The following PCDHGB3 variants were observed in gnomAD, a reference collection of about 807,000 sequenced individuals.
PCDHGB3 encodes the protein protocadherin gamma subfamily B, 3.
PCDHGB3 carries 40 observed loss-of-function variants against 59.2 expected under a neutral mutation model. That is an observed-to-expected ratio of 0.68 (90% CI 0.52 to 0.88). PCDHGB3 has a LOEUF of 0.88. Among genes scored for constraint, PCDHGB3 ranks in the 40% least tolerant of loss-of-function variants. PCDHGB3 has a pLI of 0.00. For missense variants in PCDHGB3, 1,309 were observed against 1,187.9 expected (o/e 1.10, Z -1.50); for synonymous variants, 581 against 503.6 (o/e 1.15, Z -2.06).
chr5:141,384,897 C>A, intron 1 of PCDHGB3: 1 of 1,613,922 alleles, frequency 6.2e-7, no homozygotes, highest in Non-Finnish European at 8.5e-7. Flanking sequence ...CTGTGGCTGA[C>A]AGCATCCCCG....
Position 141,491,075 on chromosome 5 carries a change from A to G in PCDHGB3, c.2416-3732A>G, listed in dbSNP as rs147291399. ...TGGCTCTCCTACTCACTGTTGCCAC[A>G]GTCCACAGCCCCAGGACTGTTCCTC... is the stretch of plus-strand genomic sequence containing the variant. On this transcript the variant is annotated intron_variant, in intron 1 of 3. Coordinates refer to ENST00000576222, the MANE Select transcript of PCDHGB3 (RefSeq NM_018924.5). This position sits in a 1 kb window ranked among gnomAD's most constrained non-coding sequence, Gnocchi z 6.9. 1.2e-6 allele frequency: 2 copies of G among 1,614,080 alleles called. No individual in the cohort carries two copies. Among genetic ancestry groups the G allele is most frequent in the Non-Finnish European group, 8.5e-7 (1 of 1,180,042 alleles).
intron 1 of PCDHGB3, chr5:141,392,918 G>T (rs1177755274): frequency 1.2e-6 from 2 of 1,613,794 alleles, no homozygotes; most frequent in African/African-American, 2.7e-5. Flanking sequence ...GCTACTCTGT[G>T]CCAGAAGAGA....
Position 141,389,969 on chromosome 5 carries a change from C to T in PCDHGB3, c.2415+17160C>T, listed in dbSNP as rs762168749. 10 of 1,614,042 alleles carry T rather than the reference C, an allele frequency of 6.2e-6. No individual in the cohort carries two copies. In the South Asian group the frequency reaches 1.1e-4, roughly 18 times the overall value. On this transcript the variant is annotated intron_variant, in intron 1 of 3. Coordinates refer to ENST00000576222, the MANE Select transcript of PCDHGB3 (RefSeq NM_018924.5). ...AGTTTTACCTAGTGGTGGCCTTGGC[C>T]TTGATCTCAGTGCTCTTCCTCGTGG...
chr5:141,511,084 C>G lies in PCDHGB3; in HGVS notation c.2701C>G (p.Leu901Val). 1 of 1,614,236 alleles carries G rather than the reference C, an allele frequency of 6.2e-7. No homozygotes were observed. Among genetic ancestry groups the G allele is most frequent in the Non-Finnish European group, 8.5e-7 (1 of 1,180,030 alleles). The change falls in exon 4 of 4, where the codon CTG becomes GTG. Residue 901 changes from leucine (L) to valine (V), a missense_variant. Leu to Val is a conservative substitution (Grantham distance 32). Coordinates refer to ENST00000576222, the MANE Select transcript of PCDHGB3 (RefSeq NM_018924.5). Reference sequence around the variant, plus strand: ...CTACATCCCAGGCAGCAATGCCACACTGACCAACGCAGCTGGCAAGCGGGA... The same window carrying G: ...CTACATCCCAGGCAGCAATGCCACAGTGACCAACGCAGCTGGCAAGCGGGA... ...NVYIPGSNAT[L>V]TNAAGKRDGK...
At chr5:141,413,873 G>A (rs544856148) in intron 1 of PCDHGB3, 4 of 1,613,372 alleles carry the variant, frequency 2.5e-6, no homozygotes, top group Admixed American at 1.7e-5. Context: ...GTCCTTGTCA[G>A]TGTGACTGTC....
chr5:141,434,920 A>C (rs927245955), intron 1 of PCDHGB3, among the ~76,000 whole-genome samples: 1 of 151,796 alleles, frequency 6.6e-6, no homozygotes. Flanking sequence ...ATTTATGTAC[A>C]TATATTTTAT....
In PCDHGB3 at chr5:141,414,479, C is replaced by G. The variant is rs752879517; in HGVS notation, c.2415+41670C>G. The G allele has an allele frequency of 3.1e-6, 5 of 1,613,906 alleles. No homozygotes were observed. The highest frequency in any genetic ancestry group is 1.3e-5 in the African/African-American group (1 of 75,040). Reference sequence around the variant, plus strand: ...ACAGCCACAGATGGGGGAAGTCCTCCTCTATCAACGGAAGCTCACTTTATG... The same window carrying G: ...ACAGCCACAGATGGGGGAAGTCCTCGTCTATCAACGGAAGCTCACTTTATG... On this transcript the variant is annotated intron_variant, in intron 1 of 3. Coordinates refer to ENST00000576222, the MANE Select transcript of PCDHGB3 (RefSeq NM_018924.5).
rs374832321 is a variant in PCDHGB3, at chr5:141,371,831, C to T, written c.1437C>T (p.Pro479=). ...ASIAHVRASD[P]DLGPNGLVSY... is the part of the protein sequence containing the mutation. ...TTGCGCATGTCAGAGCCTCGGATCC[C>T]GACTTGGGACCTAATGGCCTTGTCT... Residue 479 remains proline, a synonymous_variant, in exon 1 of 4, where the codon CCC becomes CCT. Coordinates refer to ENST00000576222, the MANE Select transcript of PCDHGB3 (RefSeq NM_018924.5). 1 of 1,613,770 alleles carries T rather than the reference C, an allele frequency of 6.2e-7. No homozygotes were observed. The highest frequency in any genetic ancestry group is 8.5e-7 in the Non-Finnish European group (1 of 1,179,898).
chr5:141,423,132 C>T (rs375287728), intron 1 of PCDHGB3: 41 of 1,613,540 alleles, frequency 2.5e-5, no homozygotes, highest in Non-Finnish European at 3.3e-5. Flanking sequence ...CACTGCTGGA[C>T]AGAGACGCGC....
intron 1 of PCDHGB3, among the ~76,000 whole-genome samples, chr5:141,436,848 AT>A (rs1247905529): frequency 6.6e-6 from 1 of 152,244 alleles, no homozygotes; most frequent in African/African-American, 2.4e-5. Flanking sequence ...CACATTCTTG[AT>A]TGAGAAGCCA....
chr5:141,396,492 C>G (rs970666488), intron 1 of PCDHGB3: 1 of 151,944 alleles, frequency 6.6e-6, no homozygotes, highest in Non-Finnish European at 1.5e-5. Context: ...TGGTGGCATG[C>G]GCCTGTGGTC....
At chr5:141,445,838 A>T (rs1302150397) in intron 1 of PCDHGB3, among the ~76,000 whole-genome samples, 1 of 152,218 alleles carries the variant, frequency 6.6e-6, no homozygotes, top group South Asian at 2.1e-4. Flanking sequence ...GAGCCTTGTA[A>T]ATCACACTTA....
In PCDHGB3 at chr5:141,494,886, C is replaced by T. The variant is rs1212594477; in HGVS notation, c.2474+21C>T. ...AGCGGGTAGGTGACTGATTCTCCAG[C>T]CCACCCTCTTCTCTGCGGCATTTTC... On this transcript the variant is annotated intron_variant, in intron 2 of 3. Coordinates refer to ENST00000576222, the MANE Select transcript of PCDHGB3 (RefSeq NM_018924.5). 8 of 1,614,010 alleles carry T rather than the reference C, an allele frequency of 5.0e-6. No homozygotes were observed. The Admixed American group carries it at 8.3e-5, about 17-fold the overall frequency.
At position 141,505,403 on chromosome 5, in the gene PCDHGB3, G is replaced by A; in HGVS notation, c.2485G>A (p.Gly829Ser). The A allele has an allele frequency of 6.2e-7, 1 of 1,614,186 alleles. No individual in the cohort carries two copies. The highest frequency in any genetic ancestry group is 8.5e-7 in the Non-Finnish European group (1 of 1,180,038). ...QRPGTSGSQN[G>S]DDTGTWPNNQ... ...CTACTCTCTCCCCAGCTCCCAAAAT[G>A]GCGATGACACCGGCACCTGGCCCAA... Residue 829 changes from glycine (G) to serine (S), a missense_variant, in exon 3 of 4, where the codon GGC (glycine) becomes AGC (serine). Coordinates refer to ENST00000576222, the MANE Select transcript of PCDHGB3 (RefSeq NM_018924.5).
rs1224515106 is a variant in PCDHGB3 at position 141,491,453 on chromosome 5, C to T, written c.2416-3354C>T. On this transcript the variant is annotated intron_variant, in intron 1 of 3. Transcript: ENST00000576222. The surrounding 1 kb of genome is among the most constrained non-coding windows in gnomAD (Gnocchi z 6.9). ...TGCTGCAGGCGCCAGGACTCACCCT[C>T]CCCGGACTTCTATAAGCAGTCCAGC... The T allele has an allele frequency of 6.2e-6, 10 of 1,614,120 alleles. No homozygotes were observed. The highest frequency in any genetic ancestry group is 8.5e-6 in the Non-Finnish European group (10 of 1,180,028).
At chr5:141,447,275 G>C (rs2098532748) in intron 1 of PCDHGB3, among the ~76,000 whole-genome samples, 1 of 152,154 alleles carries the variant, frequency 6.6e-6, no homozygotes, top group African/African-American at 2.4e-5. Flanking sequence ...AAGTAGCTGG[G>C]ACTACAGGCA....
At chr5:141,494,999 G>T in intron 2 of PCDHGB3, 134 bp downstream of exon 2, 1 of 1,531,046 alleles carries the variant, frequency 6.5e-7, no homozygotes, top group Non-Finnish European at 8.8e-7. Context: ...GGGAGGTCTT[G>T]GTGTGCGGGG....
intron 1 of PCDHGB3, chr5:141,389,469 A>G: frequency 6.2e-7 from 1 of 1,613,246 alleles, no homozygotes; most frequent in Non-Finnish European, 8.5e-7. Flanking sequence ...CTTCGAACTC[A>G]CACTGCAGGC....
At chr5:141,451,945 C>T (rs906800803) in intron 1 of PCDHGB3, among the ~76,000 whole-genome samples, 1 of 151,970 alleles carries the variant, frequency 6.6e-6, no homozygotes, top group Non-Finnish European at 1.5e-5. Flanking sequence ...AGGGAAAGAC[C>T]GAGAAAGTGA....
Sources: allele counts gnomAD v4.1 joint callset (sites outside exome capture counted in the v4.1 genomes callset), GRCh38; gene constraint gnomAD v4.1.1; non-coding constraint Gnocchi (gnomAD v3.1); transcripts MANE v1.5; gene names NCBI Gene and HGNC (gene_info 2026-07-23, HGNC 2026-07-21).